DMXL2: variants seen among roughly 807,000 people sequenced by gnomAD.
The protein encoded by DMXL2 is Dmx like 2, also known as dmX-like protein 2.
DMXL2 carries 103 observed loss-of-function variants against 331.1 expected under a neutral mutation model. The observed-to-expected ratio is 0.31, with a 90% CI of 0.27 to 0.37. The LOEUF (loss-of-function observed/expected upper bound fraction) is 0.37, where lower values mean the gene tolerates loss of function less well. Ranked by LOEUF, DMXL2 falls within the 10% of genes least tolerant of loss-of-function variation. The probability of loss-of-function intolerance (pLI) is 1.00; values close to 1 mark genes in which losing one functional copy is unlikely to be tolerated. For missense variants in DMXL2, 3,171 were observed against 3,642.9 expected, an observed-to-expected ratio of 0.87 and a Z score of 3.33; for synonymous variants, 1,281 against 1,252.1, an observed-to-expected ratio of 1.02 and a Z score of -0.49.
At chr15:51,550,358 C>T (rs535036744) in intron 6 of DMXL2, among the ~76,000 whole-genome samples, 13 of 152,064 alleles carry the variant, frequency 8.5e-5, no homozygotes, top group East Asian at 1.9e-4. Flanking sequence ...AAAGAAAATG[C>T]TGCCTTTTTA....
intron 16 of DMXL2, among the ~76,000 whole-genome samples, chr15:51,506,622 T>C (rs11634110): frequency 0.43 from 64,731 of 151,412 alleles, 14,676 homozygotes; most frequent in Non-Finnish European, 0.5. Context: ...CCCGGCTAAT[T>C]TTTTGTATTT....
intron 6 of DMXL2, among the ~76,000 whole-genome samples, chr15:51,562,095 A>C (rs146201372): frequency 6.6e-5 from 10 of 152,328 alleles, no homozygotes; most frequent in Non-Finnish European, 1.5e-4. Context: ...TATATTGTAC[A>C]TTTCAATTAA....
chr15:51,622,611 GGCT>G lies in DMXL2; in HGVS notation c.-69_-67del. 6.7e-7 allele frequency: 1 copy of G among 1,500,506 alleles called. No homozygotes were observed. Among genetic ancestry groups the G allele is most frequent in the Non-Finnish European group, 8.9e-7 (1 of 1,119,514 alleles). The allele number at this position is 1,500,506 out of a possible 1,614,324, so 92.9% of individuals were successfully genotyped here. A position where few individuals can be genotyped will look rare whatever the true frequency, so the allele number is the denominator to read the frequency against. Reference sequence around the variant, plus strand: ...CAAGCTCCGCGCCTGACCCTCCTCGGGCTGCGAGAGCCGTTTCCCTCTGTGCCT... The same window carrying G: ...CAAGCTCCGCGCCTGACCCTCCTCGGGCGAGAGCCGTTTCCCTCTGTGCCT... On this transcript the variant is annotated 5_prime_UTR_variant, in exon 1 of 44. Coordinates refer to ENST00000560891, the MANE Select transcript of DMXL2 (RefSeq NM_001378457.1).
chr15:51,505,203 A>G (rs1250865154), intron 16 of DMXL2, among the ~76,000 whole-genome samples: 1 of 152,262 alleles, frequency 6.6e-6, no homozygotes, highest in Non-Finnish European at 1.5e-5. Context: ...ATGGCAGGAT[A>G]CACTGTTAAA....
chr15:51,512,246 G>T (rs895578168), intron 15 of DMXL2, among the ~76,000 whole-genome samples: 2 of 151,604 alleles, frequency 1.3e-5, no homozygotes, highest in African/African-American at 4.9e-5. Flanking sequence ...CATAATGAGG[G>T]TGTATATAAG....
At chr15:51,537,909 G>C (rs1010355170) in intron 10 of DMXL2, 150 bp from the exon 11 acceptor site, 2 of 993,026 alleles carry the variant, frequency 2.0e-6, no homozygotes, top group Non-Finnish European at 2.9e-6. Context: ...TGTCTGAATT[G>C]AATGTTACTA....
intron 13 of DMXL2, among the ~76,000 whole-genome samples, chr15:51,532,029 C>A (rs2048029430): frequency 1.3e-5 from 2 of 151,976 alleles, no homozygotes; most frequent in Admixed American, 6.6e-5. Flanking sequence ...GGGCACATAC[C>A]CAAAAGAACG....
At chr15:51,586,010 G>C (rs941456638) in intron 1 of DMXL2, among the ~76,000 whole-genome samples, 7 of 152,170 alleles carry the variant, frequency 4.6e-5, no homozygotes, top group South Asian at 2.1e-4. Flanking sequence ...GGAAGGGGTA[G>C]CATTTGAATA....
intron 21 of DMXL2, 86 bp from the exon 22 acceptor site, chr15:51,488,205 A>C: frequency 8.2e-7 from 1 of 1,221,944 alleles, no homozygotes. Context: ...AAAAACCTCA[A>C]ACAGAAATCT....
chr15:51,498,271 A>C (rs2043327116), intron 18 of DMXL2, among the ~76,000 whole-genome samples: 1 of 152,054 alleles, frequency 6.6e-6, no homozygotes, highest in Non-Finnish European at 1.5e-5. Context: ...ACCCAAACAC[A>C]CACAAAAAAA....
intron 11 of DMXL2, 55 bp downstream of exon 11, chr15:51,537,429 CATTT>C: frequency 6.8e-7 from 1 of 1,479,734 alleles, no homozygotes; most frequent in Non-Finnish European, 9.0e-7. Context: ...CTCTACAAAG[CATTT>C]ATTTCTTTTT....
In DMXL2 at chr15:51,537,669, CG is replaced by C; in HGVS notation, c.1435del (p.Arg479AspfsTer21). On this transcript the variant is annotated frameshift_variant, in exon 11 of 44. Coordinates refer to ENST00000560891, the MANE Select transcript of DMXL2 (RefSeq NM_001378457.1). LOFTEE classifies it high-confidence loss of function. ...EREGSPRTYS[R>X]LSVPMPLPTV... ...AGGCAGTGGCATTGGTACACTAAGT[CG>C]TGAGTAAGTTCTAGGACTTCCTTCT... 1 of 1,613,862 alleles carries C rather than the reference CG, an allele frequency of 6.2e-7. No individual in the cohort carries two copies. Among genetic ancestry groups the C allele is most frequent in the Non-Finnish European group, 8.5e-7 (1 of 1,179,874 alleles).
At chr15:51,451,798 C>A in intron 41 of DMXL2, 101 bp from the exon 42 acceptor site, 1 of 1,060,104 alleles carries the variant, frequency 9.4e-7, no homozygotes, top group South Asian at 1.4e-5. Context: ...CTTATTCATT[C>A]TTATCTTTTT....
chr15:51,456,212 A>G lies in DMXL2; in HGVS notation c.8399-19T>C. 1.2e-6 allele frequency: 2 copies of G among 1,605,240 alleles called. No homozygotes were observed. Among genetic ancestry groups the G allele is most frequent in the South Asian group, 2.2e-5 (2 of 89,462 alleles). Reference sequence around the variant, plus strand: ...GTAAGATCTGAAACACAAGAGAAAAAGCAGGAAATAAGAAATTAAAGAGTT... The same window carrying G: ...GTAAGATCTGAAACACAAGAGAAAAGGCAGGAAATAAGAAATTAAAGAGTT... On this transcript the variant is annotated intron_variant, in intron 38 of 43. Transcript: ENST00000560891.
chr15:51,467,239 C>G (rs569864737), intron 29 of DMXL2, among the ~76,000 whole-genome samples: 1 of 152,132 alleles, frequency 6.6e-6, no homozygotes, highest in African/African-American at 2.4e-5. Context: ...GAAAAGACTT[C>G]TGCTGAAAAA....
chr15:51,596,105 A>G (rs1455638609), intron 1 of DMXL2, among the ~76,000 whole-genome samples: 2 of 152,206 alleles, frequency 1.3e-5, no homozygotes, highest in Admixed American at 6.5e-5. Flanking sequence ...CTGCACAGCA[A>G]AAGAAACTAC....
rs529689247 is a variant in DMXL2, at chr15:51,458,562, T to C, written c.8142A>G (p.Leu2714=). 1.2e-6 allele frequency: 2 copies of C among 1,613,920 alleles called. No homozygotes were observed. The highest frequency in any genetic ancestry group is 1.3e-5 in the African/African-American group (1 of 75,058). Residue 2714 remains leucine (L), a synonymous_variant, in exon 36 of 44, where the codon CTA becomes CTG. Coordinates refer to ENST00000560891, the MANE Select transcript of DMXL2 (RefSeq NM_001378457.1). ...TCCATATGTATGACTGACAGGCCAG[T>C]AGAGAAGTAACATCAAGTTCTTGAA... is the stretch of plus-strand genomic sequence containing the variant. ...HDVQELDVTS[L]LACQSYIWIG...
In DMXL2 at chr15:51,480,035, T is replaced by C. The variant is rs779949701; in HGVS notation, c.6669A>G (p.Val2223=). The part of the protein sequence containing the change: ...ASTKTVIANP[V]LYLNNHIHDI... Reference sequence around the variant, plus strand: ...CATGGATGTGATTATTTAAGTACAATACAGGATTAGCTATGACTGTTTTTG... The same window carrying C: ...CATGGATGTGATTATTTAAGTACAACACAGGATTAGCTATGACTGTTTTTG... The change falls in exon 25 of 44, where the codon GTA becomes GTG. Residue 2223 remains valine, a synonymous_variant. Transcript: ENST00000560891. 8 of 1,602,620 alleles carry C rather than the reference T, an allele frequency of 5.0e-6. No individual in the cohort carries two copies. Among genetic ancestry groups the C allele is most frequent in the Non-Finnish European group, 6.8e-6 (8 of 1,170,890 alleles).
At chr15:51,487,287 C>T (rs1271119183) in intron 22 of DMXL2, among the ~76,000 whole-genome samples, 1 of 152,048 alleles carries the variant, frequency 6.6e-6, no homozygotes, top group Non-Finnish European at 1.5e-5. Context: ...TTTAAAAAAA[C>T]AGCTTAATGT....
Sources: gnomAD v4.1 joint callset for allele counts (sites outside exome capture counted in the v4.1 genomes callset) on GRCh38, gnomAD v4.1.1 for gene constraint, MANE v1.5 for transcripts, NCBI Gene and HGNC (gene_info 2026-07-23, HGNC 2026-07-21) for gene names.